Variants in SRSF7 observed in about 807,000 individuals in gnomAD.
SRSF7 encodes serine and arginine rich splicing factor 7, also known as serine/arginine-rich splicing factor 7.
SRSF7 carries 15 observed loss-of-function variants against 42.2 expected under a neutral mutation model. That is an observed-to-expected ratio of 0.36 (90% confidence interval 0.24 to 0.55). The LOEUF is 0.55. SRSF7 is among the 20% of genes least tolerant of loss of function. The probability of loss-of-function intolerance (pLI) is 0.88; values close to 1 mark genes in which losing one functional copy is unlikely to be tolerated. For missense variants in SRSF7, 181 were observed against 305.9 expected (o/e 0.59, Z 3.04); for synonymous variants, 138 against 107.9 (o/e 1.28, Z -1.73).
chr2:38,743,869 A>T lies in SRSF7; in HGVS notation c.*1264T>A. 7.9e-5 allele frequency: 12 copies of T among 151,796 alleles called. No individual in the cohort carries two copies. Among genetic ancestry groups the T allele is most frequent in the African/African-American group, 2.7e-4 (11 of 41,230 alleles). 9.4% of individuals were successfully genotyped at this position (151,796 alleles called of 1,614,324 possible). A position where few individuals can be genotyped will look rare whatever the true frequency, so the allele number is the denominator to read the frequency against. On this transcript the variant is annotated 3_prime_UTR_variant, in exon 8 of 8. Coordinates refer to ENST00000313117, the MANE Select transcript of SRSF7 (RefSeq NM_001031684.3). ...GACTTTGCTGAAATGCATAAAATGG[A>T]CAAGCCTAGGTATCTGCGCAACCAG...
intron 3 of SRSF7, 145 bp from the exon 4 acceptor site, chr2:38,748,798 G>T: frequency 1.7e-6 from 2 of 1,164,050 alleles, no homozygotes; most frequent in Non-Finnish European, 2.4e-6. Flanking sequence ...TAGTTGTTGA[G>T]TATTTTTTTT....
chr2:38,747,746 G>C (rs915779553), intron 5 of SRSF7, among the ~76,000 whole-genome samples: 7 of 152,120 alleles, frequency 4.6e-5, no homozygotes, highest in African/African-American at 1.7e-4. Flanking sequence ...TTCAGAGCTA[G>C]TATCATCCAA....
Position 38,750,110 on chromosome 2 carries a change from C to A in SRSF7, c.113G>T (p.Arg38Ile). The A allele has an allele frequency of 1.9e-6, 3 of 1,613,928 alleles. No homozygotes were observed. Among genetic ancestry groups the A allele is most frequent in the Non-Finnish European group, 2.5e-6 (3 of 1,179,952 alleles). The change falls in exon 2 of 8, where the codon AGA becomes ATA. Residue 38 changes from arginine (R) to isoleucine (I), a missense_variant. Arg to Ile is a moderately conservative substitution (Grantham distance 97). Coordinates refer to ENST00000313117, the MANE Select transcript of SRSF7 (RefSeq NM_001031684.3). ...ERAFSYYGPL[R>I]TVWIARNPPG... ...AGGATTTCTCGCAATCCATACAGTTCTTAAAGGACCATAATAACTGAAAGC... is the reference window on the plus strand; with the variant it reads ...AGGATTTCTCGCAATCCATACAGTTATTAAAGGACCATAATAACTGAAAGC...
In SRSF7 at chr2:38,748,136, T is replaced by C; in HGVS notation, c.483A>G (p.Arg161=). ...TACGAAGAGAGATAGATCTTGATCG[T>C]CGAGGAGATGCTGACCTTGACCTAA... ...RGRRSRSASP[R]RSRSISLRRS... Residue 161 remains arginine (R), a synonymous_variant, in exon 5 of 8, where the codon CGA becomes CGG. Transcript: ENST00000313117. The C allele has an allele frequency of 6.2e-7, 1 of 1,613,696 alleles. No homozygotes were observed. The highest frequency in any genetic ancestry group is 2.2e-5 in the East Asian group (1 of 44,882).
In SRSF7 at chr2:38,748,667, T is replaced by TA; in HGVS notation, c.387-15dup. On this transcript the variant is annotated splice_polypyrimidine_tract_variant and intron_variant, in intron 3 of 7. Transcript: ENST00000313117. The stretch of plus-strand genomic sequence containing the variant: ...CTAGACCGTGACCTATTTTTCAAGT[T>TA]AGAGAAAAAACAAAATGTCAGACAA... The TA allele has an allele frequency of 1.2e-6, 2 of 1,613,276 alleles. No homozygotes were observed. The highest frequency in any genetic ancestry group is 1.7e-6 in the Non-Finnish European group (2 of 1,179,342).
At chr2:38,745,242 G>A in intron 7 of SRSF7, 55 bp from the exon 8 acceptor site, 4 of 1,574,484 alleles carry the variant, frequency 2.5e-6, no homozygotes, top group Non-Finnish European at 1.7e-6. Context: ...AAACTCTCAT[G>A]TACATGTACT....
intron 1 of SRSF7, among the ~76,000 whole-genome samples, chr2:38,750,592 G>A (rs1335829286): frequency 6.6e-6 from 1 of 151,880 alleles, no homozygotes. Context: ...AGGAGAGCAG[G>A]GCTGCGCCGG....
Position 38,743,954 on chromosome 2 carries a change from ACT to A in SRSF7, c.*1177_*1178del. ...TGCCTGGTAAAAGCTTGACCAGAAA[ACT>A]CTCAAAAGTAACTGTTACTGCCCTA... On this transcript the variant is annotated 3_prime_UTR_variant, in exon 8 of 8. Coordinates refer to ENST00000313117, the MANE Select transcript of SRSF7 (RefSeq NM_001031684.3). 2 of 152,008 alleles carry A rather than the reference ACT, an allele frequency of 1.3e-5. No homozygotes were observed. Among genetic ancestry groups the A allele is most frequent in the African/African-American group, 4.8e-5 (2 of 41,352 alleles). 9.4% of individuals were successfully genotyped at this position (152,008 alleles called of 1,614,324 possible).
intron 7 of SRSF7, among the ~76,000 whole-genome samples, chr2:38,745,709 G>A (rs549383060): frequency 2.3e-4 from 35 of 152,008 alleles, no homozygotes; most frequent in Non-Finnish European, 5.0e-4. Context: ...AGGTCAACCT[G>A]CAGTTAAATA....
Position 38,751,344 on chromosome 2 carries a change from G to T in SRSF7, c.-88C>A. The T allele has an allele frequency of 1.3e-6, 2 of 1,587,760 alleles. No individual in the cohort carries two copies. The highest frequency in any genetic ancestry group is 2.2e-5 in the South Asian group (2 of 90,416). On this transcript the variant is annotated 5_prime_UTR_variant, in exon 1 of 8. Transcript: ENST00000313117. Reference sequence around the variant, plus strand: ...GCTGACACACACCTTCACCCGCCAAGAGTCCCGGCGGCACTACGAGGAAGA... The same window carrying T: ...GCTGACACACACCTTCACCCGCCAATAGTCCCGGCGGCACTACGAGGAAGA...
chr2:38,747,929 CAA>C, intron 5 of SRSF7, 116 bp downstream of exon 5: 1 of 683,914 alleles, frequency 1.5e-6, no homozygotes, highest in Non-Finnish European at 2.4e-6. Context: ...ACATAAATTC[CAA>C]ACTTTTACAT....
chr2:38,743,833 T>C lies in SRSF7; in HGVS notation c.*1300A>G. ...GCAGACCAGTATTCCCAAGTTGCAATAGTATCCAATGACTTTGCTGAAATG... is the reference window on the plus strand; with the variant it reads ...GCAGACCAGTATTCCCAAGTTGCAACAGTATCCAATGACTTTGCTGAAATG... On this transcript the variant is annotated 3_prime_UTR_variant, in exon 8 of 8. Coordinates refer to ENST00000313117, the MANE Select transcript of SRSF7 (RefSeq NM_001031684.3). 6 of 152,122 alleles carry C rather than the reference T, an allele frequency of 3.9e-5. No individual in the cohort carries two copies. The East Asian group carries it at 5.8e-4, about 15-fold the overall frequency. The allele number at this position is 152,122 out of a possible 1,614,324, so 9.4% of individuals were successfully genotyped here.
intron 7 of SRSF7, 34 bp downstream of exon 7, chr2:38,746,110 C>T (rs1273557780): frequency 1.2e-6 from 2 of 1,613,600 alleles, no homozygotes; most frequent in Non-Finnish European, 8.5e-7. Flanking sequence ...CCACACTTGA[C>T]AGGCAAGATT....
chr2:38,749,948 G>C lies in SRSF7; in HGVS notation c.209+66C>G, dbSNP rs889676948. On this transcript the variant is annotated intron_variant, in intron 2 of 7. Coordinates refer to ENST00000313117, the MANE Select transcript of SRSF7 (RefSeq NM_001031684.3). ...TTCCAGACTTCAGAATCCAAATTTA[G>C]CACTAAGTTCATTATCTAGCCACAG... 9.3e-6 allele frequency: 14 copies of C among 1,498,042 alleles called. No individual in the cohort carries two copies. In the African/African-American group the frequency reaches 2.0e-4, roughly 21 times the overall value. 92.8% of individuals were successfully genotyped at this position (1,498,042 alleles called of 1,614,324 possible). A position where few individuals can be genotyped will look rare whatever the true frequency, so the allele number is the denominator to read the frequency against.
At chr2:38,748,795 TG>T in intron 3 of SRSF7, 142 bp from the exon 4 acceptor site, 51 of 1,201,434 alleles carry the variant, frequency 4.2e-5, no homozygotes, top group Middle Eastern at 2.5e-4. Flanking sequence ...TATTAGTTGT[TG>T]AGTATTTTTT....
At chr2:38,751,441 A>T (rs912084338), upstream of SRSF7, 1 of 761,516 alleles carries the variant, frequency 1.3e-6, no homozygotes, top group South Asian at 1.7e-5. Context: ...TGCGCGGCAC[A>T]AAGGAGCTGG....
rs555829948 is a variant in SRSF7, at chr2:38,746,840, A to G, written c.573-93T>C. 26 of 1,567,922 alleles carry G rather than the reference A, an allele frequency of 1.7e-5. No individual in the cohort carries two copies. In the East Asian group the frequency reaches 4.1e-4, roughly 24 times the overall value. On this transcript the variant is annotated intron_variant, in intron 5 of 7. Coordinates refer to ENST00000313117, the MANE Select transcript of SRSF7 (RefSeq NM_001031684.3). ...ACTGTATTAGGTTGGTCAGGCATAA[A>G]GAAGCTAAAACTAAACAAGATGCAA...
intron 5 of SRSF7, 44 bp from the exon 6 acceptor site, chr2:38,746,791 A>G: frequency 6.2e-7 from 1 of 1,608,604 alleles, no homozygotes; most frequent in Non-Finnish European, 8.5e-7. Context: ...AATCAGTCCA[A>G]AGGAATTTCC....
intron 7 of SRSF7, among the ~76,000 whole-genome samples, chr2:38,745,768 T>C (rs1447084565): frequency 3.3e-5 from 5 of 152,168 alleles, no homozygotes; most frequent in Admixed American, 3.3e-4. Flanking sequence ...TAGATAAATA[T>C]GACAACTATT....
Sources: gnomAD v4.1 joint callset for allele counts (sites outside exome capture counted in the v4.1 genomes callset) on GRCh38, gnomAD v4.1.1 for gene constraint, MANE v1.5 for transcripts, NCBI Gene and HGNC (gene_info 2026-07-23, HGNC 2026-07-21) for gene names.